Variants in APC observed in about 807,000 individuals in gnomAD.
The protein encoded by APC is adenomatous polyposis coli protein.
In APC, 72 loss-of-function variants were observed where a neutral mutation model predicts 247.0. The ratio of observed to expected loss-of-function variants is 0.29; its 90% CI spans 0.24 to 0.35. The LOEUF is 0.35. Among genes scored for constraint, APC ranks in the 10% least tolerant of loss-of-function variants. The probability of loss-of-function intolerance (pLI) is 1.00; values close to 1 mark genes in which losing one functional copy is unlikely to be tolerated. For synonymous variants in APC, 1,254 were observed against 1,162.5 expected (o/e 1.08, Z -1.60); for missense variants, 3,400 against 3,360.7 (o/e 1.01, Z -0.29).
intron 8 of APC, 59 bp from the exon 9 acceptor site, chr5:112,815,436 T>G (rs1762396680): frequency 2.5e-6 from 3 of 1,210,342 alleles, no homozygotes; most frequent in Non-Finnish European, 3.7e-6. Flanking sequence ...CTTAACATGA[T>G]GTTATCTGTA....
intron 1 of APC, among the ~76,000 whole-genome samples, chr5:112,715,662 G>GT (rs1446665976): frequency 1.3e-5 from 2 of 152,044 alleles, no homozygotes; most frequent in East Asian, 3.8e-4. Context: ...TTAAAATTTG[G>GT]TATTTATTTG....
In APC at chr5:112,839,417, A is replaced by T. The variant is rs2149899752; in HGVS notation, c.3823A>T (p.Ser1275Cys). The T allele has an allele frequency of 6.2e-7, 1 of 1,614,146 alleles. No individual in the cohort carries two copies. Among genetic ancestry groups the T allele is most frequent in the East Asian group, 2.2e-5 (1 of 44,890 alleles). ...TACTCCAATATGTTTTTCAAGATGT[A>T]GTTCATTATCATCTTTGTCATCAGC... Reference protein sequence around the residue: ...EDTPICFSRCSSLSSLSSAED... With the variant: ...EDTPICFSRCCSLSSLSSAED... The change falls in exon 16 of 16, where the codon AGT (serine) becomes TGT (cysteine). Residue 1275 changes from serine (S) to cysteine (C), a missense_variant. Ser to Cys is a moderately radical substitution (Grantham distance 112). Coordinates refer to ENST00000257430, the MANE Select transcript of APC (RefSeq NM_000038.6). This position sits in a 1 kb window ranked among gnomAD's most constrained non-coding sequence, Gnocchi z 5.0.
At chr5:112,707,498 G>A (rs1381567636), upstream of APC, 2 of 443,686 alleles carry the variant, frequency 4.5e-6, no homozygotes, top group African/African-American at 2.0e-5. Context: ...TCACGCATGC[G>A]CATTGTAGTC....
At chr5:112,775,045 G>GTATACAGT (rs1271202544) in intron 4 of APC, among the ~76,000 whole-genome samples, 3 of 152,060 alleles carry the variant, frequency 2.0e-5, no homozygotes, top group African/African-American at 7.2e-5. Context: ...TAATGCTCAG[G>GTATACAGT]TATACAGTTT....
At position 112,820,182 on chromosome 5, in the gene APC, GACACACAC is replaced by G. The variant is rs111788809; in HGVS notation, c.1312+865_1312+872del. On this transcript the variant is annotated intron_variant, in intron 10 of 15. Coordinates refer to ENST00000257430, the MANE Select transcript of APC (RefSeq NM_000038.6). ...ACCTTCCTTTCACCTGATAAGAACT[GACACACAC>G]ACACACACACACACACACACACACA... is the stretch of plus-strand genomic sequence containing the variant. 3.6e-3 allele frequency among the ~76,000 whole-genome samples: 520 copies of G among 143,394 alleles called. 3 individuals are homozygous for G. Among genetic ancestry groups the G allele is most frequent in the African/African-American group, 9.1e-3 (362 of 39,840 alleles). The allele number at this position is 143,394 out of a possible 152,430, so 94.1% of individuals were successfully genotyped here.
At position 112,805,834 on chromosome 5, in the gene APC, G is replaced by T. The variant is rs1265399808; in HGVS notation, c.834+4451G>T. 7.2e-5 allele frequency among the ~76,000 whole-genome samples: 11 copies of T among 152,176 alleles called. No homozygotes were observed. In the South Asian group the frequency reaches 1.0e-3, roughly 14 times the overall value. On this transcript the variant is annotated intron_variant, in intron 8 of 15. Transcript: ENST00000257430. Reference sequence around the variant, plus strand: ...AGTAATTCTCTTCACCACCACGTGGGAATGTATTCTACCGCTTCTCTCACC... The same window carrying T: ...AGTAATTCTCTTCACCACCACGTGGTAATGTATTCTACCGCTTCTCTCACC...
rs1366978080 is a variant in APC, at chr5:112,707,866, G to C, written c.149G>C (p.Trp50Ser). The C allele has an allele frequency of 1.5e-6, 2 of 1,369,636 alleles. No homozygotes were observed. 84.8% of individuals were successfully genotyped at this position (1,369,636 alleles called of 1,614,324 possible). A position where few individuals can be genotyped will look rare whatever the true frequency, so the allele number is the denominator to read the frequency against. The change falls in exon 1 of 14, where the codon TGG (tryptophan) becomes TCG (serine). Residue 50 changes from tryptophan to serine, a missense_variant. Transcript: ENST00000507379. ...GGCGGCGCTCGTACTTCTGGCCACT[G>C]GGCGAGCGTCTGGCAGGTGAGTGAG...
At chr5:112,707,957 C>T (rs1750623643) in intron 1 of APC, 3 of 1,277,260 alleles carry the variant, frequency 2.3e-6, no homozygotes, top group African/African-American at 1.5e-5. Context: ...TGCTCGGGAC[C>T]CTACGGTGCT....
intron 1 of APC, among the ~76,000 whole-genome samples, chr5:112,718,569 C>A (rs542784081): frequency 6.6e-6 from 1 of 152,228 alleles, no homozygotes; most frequent in Admixed American, 6.5e-5. Context: ...AACAAACAAC[C>A]AAGCTCAGCC....
At chr5:112,837,169 G>A (rs559232400) in intron 15 of APC, among the ~76,000 whole-genome samples, 2 of 152,264 alleles carry the variant, frequency 1.3e-5, no homozygotes, top group Non-Finnish European at 2.9e-5. Flanking sequence ...ATCAATATCA[G>A]AGTGGCACCC....
intron 6 of APC, among the ~76,000 whole-genome samples, chr5:112,789,181 T>C (rs991157209): frequency 6.6e-6 from 1 of 152,236 alleles, no homozygotes; most frequent in African/African-American, 2.4e-5. Flanking sequence ...CTGAACAGTT[T>C]GTTATTAAAT....
intron 5 of APC, chr5:112,778,534 A>G: frequency 6.7e-6 from 1 of 149,054 alleles, no homozygotes; most frequent in Middle Eastern, 3.5e-3. Flanking sequence ...TTATCCATAA[A>G]TATTTCACGT....
rs144206344 is a variant in APC at position 112,787,329 on chromosome 5, A to G, written c.646-5117A>G. On this transcript the variant is annotated intron_variant, in intron 6 of 15. Coordinates refer to ENST00000257430, the MANE Select transcript of APC (RefSeq NM_000038.6). ...TGCTGACTGTTGCCCTAGCATATAT[A>G]TCTAAAAGCATAATTACTGGTCATA... Among the ~76,000 whole-genome samples the G allele has an allele frequency of 5.6e-4, 85 of 152,334 alleles. 1 individual carries two copies. The highest frequency in any genetic ancestry group is 2.0e-3 in the African/African-American group (84 of 41,592).
intron 5 of APC, among the ~76,000 whole-genome samples, chr5:112,776,862 TA>T (rs199876543): frequency 6.2e-5 from 9 of 145,950 alleles, no homozygotes; most frequent in African/African-American, 1.0e-4. Flanking sequence ...AAAGAAAAAA[TA>T]AAAAAAAAAA....
intron 7 of APC, among the ~76,000 whole-genome samples, chr5:112,794,704 C>T (rs1375920139): frequency 3.9e-5 from 6 of 152,152 alleles, no homozygotes; most frequent in Non-Finnish European, 8.8e-5. Flanking sequence ...GACTCCTTCA[C>T]AAGACTGCTC....
At chr5:112,756,698 C>T (rs1032601401) in intron 2 of APC, among the ~76,000 whole-genome samples, 1 of 152,084 alleles carries the variant, frequency 6.6e-6, no homozygotes, top group Admixed American at 6.5e-5. Context: ...GACAATGTAA[C>T]TTACCCTTAG....
intron 8 of APC, among the ~76,000 whole-genome samples, chr5:112,813,217 G>C (rs957658212): frequency 3.3e-5 from 5 of 152,156 alleles, no homozygotes; most frequent in African/African-American, 1.2e-4. Flanking sequence ...CCCATTTTAA[G>C]TGTACAGTTG....
intron 1 of APC, among the ~76,000 whole-genome samples, chr5:112,727,246 A>G (rs888603214): frequency 6.6e-6 from 1 of 152,048 alleles, no homozygotes; most frequent in African/African-American, 2.4e-5. Flanking sequence ...ATCTTCGGAC[A>G]TTCAGAGTGA....
At chr5:112,759,406 G>A (rs1755397230) in intron 2 of APC, among the ~76,000 whole-genome samples, 2 of 135,918 alleles carry the variant, frequency 1.5e-5, no homozygotes, top group Non-Finnish European at 3.0e-5. Context: ...TCACCAGGCT[G>A]GAGTGCAGTG....
Sources: gnomAD v4.1 joint callset for allele counts (sites outside exome capture counted in the v4.1 genomes callset) on GRCh38, gnomAD v4.1.1 for gene constraint, Gnocchi (gnomAD v3.1) non-coding constraint, MANE v1.5 for transcripts, NCBI Gene and HGNC (gene_info 2026-07-23, HGNC 2026-07-21) for gene names.